TAMM41: variants seen among roughly 807,000 people sequenced by gnomAD.
The protein encoded by TAMM41 is TAM41 mitochondrial translocator assembly and maintenance homolog.
A neutral mutation model predicts 44.1 loss-of-function variants in TAMM41; 36 were observed. The observed-to-expected ratio is 0.82, with a 90% CI of 0.63 to 1.08. TAMM41 has a LOEUF of 1.08. Ranked by LOEUF, TAMM41 falls within the 50% of genes least tolerant of loss-of-function variation. The pLI is 0.00. For synonymous variants in TAMM41, 164 were observed against 153.1 expected (o/e 1.07, Z -0.53); for missense variants, 417 against 404.3 (o/e 1.03, Z -0.27).
the TAMM41 span, among the ~76,000 whole-genome samples, chr3:11,772,207 A>T: frequency 3.3e-5 from 5 of 149,808 alleles, no homozygotes. Flanking sequence ...ACTAGCTGGG[A>T]CTACAGGCGC....
chr3:11,771,945 A>C, the TAMM41 span, among the ~76,000 whole-genome samples: 24 of 152,112 alleles, frequency 1.6e-4, no homozygotes, highest in African/African-American at 5.3e-4. Context: ...CATTTTTCTT[A>C]CATGTGTATA....
chr3:11,789,696 G>C (rs935045636), downstream of TAMM41, among the ~76,000 whole-genome samples: 14 of 152,164 alleles, frequency 9.2e-5, no homozygotes, highest in Non-Finnish European at 2.1e-4. Context: ...GGCTTGCTAG[G>C]GGCTGTTGGG....
rs2079326676 is a variant in TAMM41 at position 11,839,290 on chromosome 3, T to C, written c.343A>G (p.Thr115Ala). Residue 115 changes from threonine (T) to alanine (A), a missense_variant, in exon 3 of 8, where the codon ACT becomes GCT. Coordinates refer to ENST00000455809, the MANE Select transcript of TAMM41 (RefSeq NM_001284401.2). The part of the protein sequence containing the change: ...GRLIKYGVIS[T>A]NVLIEDLLNW... Reference sequence around the variant, plus strand: ...AGGAGATCTTCAATCAGAACGTTAGTGCTAATAACTCCATATTTGATAAGC... The same window carrying C: ...AGGAGATCTTCAATCAGAACGTTAGCGCTAATAACTCCATATTTGATAAGC... 1.2e-6 allele frequency: 2 copies of C among 1,612,344 alleles called. No individual in the cohort carries two copies. Among genetic ancestry groups the C allele is most frequent in the Non-Finnish European group, 1.7e-6 (2 of 1,178,794 alleles).
Position 11,844,229 on chromosome 3 carries a change from G to A in TAMM41, c.136-18C>T, listed in dbSNP as rs1439029381. The A allele has an allele frequency of 1.2e-6, 2 of 1,608,658 alleles. No individual in the cohort carries two copies. The highest frequency in any genetic ancestry group is 1.3e-5 in the African/African-American group (1 of 74,662). On this transcript the variant is annotated intron_variant, in intron 1 of 7. Transcript: ENST00000455809. ...ATAGCATTCTGTGGAGTGAAGAAAA[G>A]AGAATAATTTCAGTATTAATTCCTA...
chr3:11,775,360 G>A, the TAMM41 span, among the ~76,000 whole-genome samples: 23 of 152,120 alleles, frequency 1.5e-4, no homozygotes, highest in Non-Finnish European at 2.2e-4. Flanking sequence ...CACATTCCCC[G>A]CCACCACCCT....
At chr3:11,764,486 C>CTTTTTTTTTTTTTTTTTTTTTTTTTTTT in the TAMM41 span, among the ~76,000 whole-genome samples, 1 of 68,128 alleles carries the variant, frequency 1.5e-5, no homozygotes, top group African/African-American at 6.8e-5. Flanking sequence ...TAATCTTATT[C>CTTTTTTTTTTTTTTTTTTTTTTTTTTTT]TTTTTTTTTT....
In TAMM41 at chr3:11,815,074, T is replaced by C. The variant is rs374689068; in HGVS notation, c.708+2118A>G. Among the ~76,000 whole-genome samples the C allele has an allele frequency of 6.2e-4, 94 of 152,346 alleles. 2 individuals carry two copies. The South Asian group carries it at 0.019, about 30-fold the overall frequency. ...AAATTATCTCCACCCTAGAATTTGA[T>C]ATCTAGCCAATACTATCTATCAAAG... On this transcript the variant is annotated intron_variant, in intron 5 of 7. Transcript: ENST00000455809.
At position 11,809,575 on chromosome 3, in the gene TAMM41, C is replaced by T. The variant is rs2078023988; in HGVS notation, c.816G>A (p.Val272=). 2 of 1,614,106 alleles carry T rather than the reference C, an allele frequency of 1.2e-6. No homozygotes were observed. The highest frequency in any genetic ancestry group is 1.7e-4 in the Middle Eastern group (1 of 6,060). ...IMDPPGKNRD[V]EETLFQVAHD... ...GAGCCACTTGGAATAAAGTTTCTTC[C>T]ACATCTCTGTTTTTTCCAGGAGGGT... Residue 272 remains valine (V), a synonymous_variant, in exon 6 of 8, where the codon GTG becomes GTA. Coordinates refer to ENST00000455809, the MANE Select transcript of TAMM41 (RefSeq NM_001284401.2).
chr3:11,743,748 A>G, the TAMM41 span, among the ~76,000 whole-genome samples: 14 of 152,052 alleles, frequency 9.2e-5, no homozygotes, highest in African/African-American at 3.4e-4. Context: ...GGCCACTCTT[A>G]CCCTCAGTGC....
chr3:11,757,872 G>C, the TAMM41 span, among the ~76,000 whole-genome samples: 10 of 152,168 alleles, frequency 6.6e-5, no homozygotes, highest in African/African-American at 2.2e-4. Context: ...CTCAGGAGGC[G>C]TTGGTGAATG....
the TAMM41 span, among the ~76,000 whole-genome samples, chr3:11,773,344 T>G: frequency 6.6e-6 from 1 of 151,828 alleles, no homozygotes; most frequent in Non-Finnish European, 1.5e-5. Flanking sequence ...AGTTAATGAC[T>G]AGCACTTTGT....
intron 4 of TAMM41, among the ~76,000 whole-genome samples, chr3:11,827,382 T>A (rs1001819862): frequency 6.6e-6 from 1 of 151,408 alleles, no homozygotes; most frequent in Non-Finnish European, 1.5e-5. Context: ...TGATCTTGGC[T>A]CACTGCAACC....
the TAMM41 span, among the ~76,000 whole-genome samples, chr3:11,760,852 C>T: frequency 7.9e-5 from 12 of 152,070 alleles, no homozygotes; most frequent in African/African-American, 2.9e-4. Context: ...TGAACCACCA[C>T]GCTCGACCAA....
chr3:11,823,887 A>G (rs2078633647), intron 4 of TAMM41, among the ~76,000 whole-genome samples: 1 of 146,170 alleles, frequency 6.8e-6, no homozygotes, highest in Non-Finnish European at 1.5e-5. Flanking sequence ...GTGCAGTGGC[A>G]TGATCTCGGC....
At chr3:11,731,829 A>G in the TAMM41 span, among the ~76,000 whole-genome samples, 3 of 150,556 alleles carry the variant, frequency 2.0e-5, no homozygotes, top group South Asian at 2.1e-4. Flanking sequence ...CAGGGACTTT[A>G]TGTGAATCCT....
the TAMM41 span, among the ~76,000 whole-genome samples, chr3:11,767,626 ATT>A: frequency 1.6e-4 from 10 of 60,692 alleles, 2 homozygotes; most frequent in East Asian, 1.7e-3. Context: ...CACGTTGTGC[ATT>A]TTTTTTTTTT....
chr3:11,755,505 C>T, the TAMM41 span, among the ~76,000 whole-genome samples: 6 of 152,296 alleles, frequency 3.9e-5, no homozygotes, highest in Non-Finnish European at 8.8e-5. Context: ...AGTCAGAGAA[C>T]ACATTCCTGT....
rs369791493 is a variant in TAMM41 at position 11,792,636 on chromosome 3, G to A, written c.938-2055C>T. ...TAATATTATAATTTCAACAGAGGTG[G>A]AGAACTTAAATTTCATGATTTTGGA... On this transcript the variant is annotated intron_variant, in intron 7 of 7. Coordinates refer to ENST00000455809, the MANE Select transcript of TAMM41 (RefSeq NM_001284401.2). Among the ~76,000 whole-genome samples, 40 of 152,270 alleles carry A rather than the reference G, an allele frequency of 2.6e-4. No individual in the cohort carries two copies. In the South Asian group the frequency reaches 7.5e-3, roughly 28 times the overall value.
chr3:11,820,508 T>C (rs2078472256), intron 4 of TAMM41, among the ~76,000 whole-genome samples: 1 of 152,234 alleles, frequency 6.6e-6, no homozygotes, highest in South Asian at 2.1e-4. Flanking sequence ...TATTTATGTC[T>C]GCATCCTTAG....
Sources: gnomAD v4.1 joint callset for allele counts (sites outside exome capture counted in the v4.1 genomes callset) on GRCh38, gnomAD v4.1.1 for gene constraint, MANE v1.5 for transcripts, NCBI Gene and HGNC (gene_info 2026-07-23, HGNC 2026-07-21) for gene names.